MNAT1: variants seen among roughly 807,000 people sequenced by gnomAD.
The protein encoded by MNAT1 is CDK-activating kinase assembly factor MAT1.
Under a neutral mutation model 42.0 loss-of-function variants are expected in MNAT1, and 43 were observed. That is an observed-to-expected ratio of 1.02 (90% CI 0.80 to 1.32). MNAT1 has a LOEUF of 1.32. Ranked by LOEUF, MNAT1 falls within the 40% of genes most tolerant of loss-of-function variation. The pLI, the probability that MNAT1 is intolerant of heterozygous loss-of-function variation, is 0.00. For synonymous variants in MNAT1, 118 were observed against 120.0 expected (o/e 0.98, Z 0.11); for missense variants, 306 against 350.4 (o/e 0.87, Z 1.01).
chr14:60,771,809 T>C (rs577315616), intron 1 of MNAT1, among the ~76,000 whole-genome samples: 62 of 152,338 alleles, frequency 4.1e-4, no homozygotes, highest in Middle Eastern at 3.4e-3. Flanking sequence ...TATTGAAGTA[T>C]TCCTAATGCC....
chr14:60,946,458 G>A (rs982283892), intron 7 of MNAT1, among the ~76,000 whole-genome samples: 2 of 151,618 alleles, frequency 1.3e-5, no homozygotes, highest in East Asian at 1.9e-4. Flanking sequence ...CCCTTCTATC[G>A]AACCATTCTC....
At chr14:60,890,433 C>T (rs976110791) in intron 7 of MNAT1, among the ~76,000 whole-genome samples, 1 of 152,078 alleles carries the variant, frequency 6.6e-6, no homozygotes, top group African/African-American at 2.4e-5. Context: ...TCTAGAGGGA[C>T]AGAACTAATA....
intron 7 of MNAT1, among the ~76,000 whole-genome samples, chr14:60,912,245 A>T (rs1033248087): frequency 2.0e-5 from 3 of 152,132 alleles, no homozygotes; most frequent in African/African-American, 7.2e-5. Flanking sequence ...TCCTGAATAC[A>T]GCACACTGAT....
At chr14:60,955,598 T>C (rs2036474087) in intron 7 of MNAT1, among the ~76,000 whole-genome samples, 1 of 152,040 alleles carries the variant, frequency 6.6e-6, no homozygotes, top group Admixed American at 6.6e-5. Flanking sequence ...GAGGCGGAGG[T>C]TGCAGTGAGC....
chr14:60,955,596 G>A (rs2036473956), intron 7 of MNAT1, among the ~76,000 whole-genome samples: 1 of 152,210 alleles, frequency 6.6e-6, no homozygotes, highest in Admixed American at 6.5e-5. Context: ...AGGAGGCGGA[G>A]GTTGCAGTGA....
chr14:60,822,602 AT>A lies in MNAT1; in HGVS notation c.687+3772del, dbSNP rs138596729. Among the ~76,000 whole-genome samples, 556 of 135,924 alleles carry A rather than the reference AT, an allele frequency of 4.1e-3. 2 individuals are homozygous for A. Among genetic ancestry groups the A allele is most frequent in the African/African-American group, 6.7e-3 (244 of 36,542 alleles). The allele number at this position is 135,924 out of a possible 152,430, so 89.2% of individuals were successfully genotyped here. A position where few individuals can be genotyped will look rare whatever the true frequency, so the allele number is the denominator to read the frequency against. ...CACCACTCTGGGCTAGTTTTTAAGA[AT>A]TTTTTTTTTTTTTTTTGGAGAGGAG... On this transcript the variant is annotated intron_variant, in intron 6 of 7. Coordinates refer to ENST00000261245, the MANE Select transcript of MNAT1 (RefSeq NM_002431.4).
At chr14:60,951,217 T>G (rs1365080492) in intron 7 of MNAT1, among the ~76,000 whole-genome samples, 1 of 151,278 alleles carries the variant, frequency 6.6e-6, no homozygotes, top group African/African-American at 2.4e-5. Flanking sequence ...CTTTCCTCCT[T>G]CTGAACAAAA....
chr14:60,964,672 T>C (rs2139626200), intron 7 of MNAT1, among the ~76,000 whole-genome samples: 1 of 152,318 alleles, frequency 6.6e-6, no homozygotes, highest in Non-Finnish European at 1.5e-5. Context: ...AGCTTGACTT[T>C]TGGAAGTAAA....
chr14:60,771,746 A>G (rs2031066055), intron 1 of MNAT1, among the ~76,000 whole-genome samples: 1 of 152,106 alleles, frequency 6.6e-6, no homozygotes, highest in South Asian at 2.1e-4. Flanking sequence ...TACGTAATTT[A>G]TCTGTCCATG....
At chr14:60,749,964 A>G (rs932601449) in intron 1 of MNAT1, among the ~76,000 whole-genome samples, 4 of 152,214 alleles carry the variant, frequency 2.6e-5, no homozygotes, top group African/African-American at 9.6e-5. Flanking sequence ...TACATTTTCC[A>G]GGCCAGTGAT....
intron 3 of MNAT1, among the ~76,000 whole-genome samples, chr14:60,800,588 A>AT (rs1286799291): frequency 1.3e-5 from 2 of 152,166 alleles, no homozygotes; most frequent in Non-Finnish European, 2.9e-5. Context: ...GATGACAGTT[A>AT]TGGCCTATAT....
At chr14:60,890,294 A>T (rs923419335) in intron 7 of MNAT1, among the ~76,000 whole-genome samples, 1 of 152,136 alleles carries the variant, frequency 6.6e-6, no homozygotes, top group African/African-American at 2.4e-5. Flanking sequence ...CCCAGGCATA[A>T]ATTTACGTAC....
At chr14:60,787,064 C>T (rs1296238396) in intron 1 of MNAT1, among the ~76,000 whole-genome samples, 1 of 152,088 alleles carries the variant, frequency 6.6e-6, no homozygotes. Context: ...AGTGGGACAT[C>T]GTTCTTTCAA....
chr14:60,756,495 A>T (rs1012980523), intron 1 of MNAT1, among the ~76,000 whole-genome samples: 4 of 152,202 alleles, frequency 2.6e-5, no homozygotes, highest in African/African-American at 7.2e-5. Context: ...GAAGAATTTT[A>T]AAAAATAGTA....
At chr14:60,735,670 G>T (rs1896285225) in intron 1 of MNAT1, among the ~76,000 whole-genome samples, 1 of 152,214 alleles carries the variant, frequency 6.6e-6, no homozygotes, top group Non-Finnish European at 1.5e-5. Context: ...GGCCTTGAGA[G>T]AATTGGAACC....
At position 60,794,912 on chromosome 14, in the gene MNAT1, G is replaced by A. The variant is rs138596543; in HGVS notation, c.90-1305G>A. ...TCTTGTATTCATTTTTTTGTTTTGT[G>A]AAGTTTACTTAGTGAGTACTTAGCG... is the stretch of plus-strand genomic sequence containing the variant. On this transcript the variant is annotated intron_variant, in intron 1 of 7. Coordinates refer to ENST00000261245, the MANE Select transcript of MNAT1 (RefSeq NM_002431.4). 9.0e-4 allele frequency among the ~76,000 whole-genome samples: 136 copies of A among 151,350 alleles called. No individual in the cohort carries two copies. In the East Asian group the frequency reaches 0.018, roughly 20 times the overall value.
intron 7 of MNAT1, among the ~76,000 whole-genome samples, chr14:60,956,677 C>T (rs2036492844): frequency 6.6e-6 from 1 of 152,112 alleles, no homozygotes; most frequent in African/African-American, 2.4e-5. Context: ...TGTTTAGGTG[C>T]TCTGACTTCG....
In MNAT1 at chr14:60,818,993, G is replaced by A. The variant is rs4151230; in HGVS notation, c.687+146G>A. The A allele has an allele frequency of 1.3e-3, 1,098 of 823,924 alleles. 5 individuals carry two copies. In the African/African-American group the frequency reaches 0.016, roughly 12 times the overall value. 51.0% of individuals were successfully genotyped at this position (823,924 alleles called of 1,614,324 possible). On this transcript the variant is annotated intron_variant, in intron 6 of 7. Coordinates refer to ENST00000261245, the MANE Select transcript of MNAT1 (RefSeq NM_002431.4). Reference sequence around the variant, plus strand: ...GTTTTAGGTGTCTGGAAATATGGATGGGTGCAGTATGAGGAAAGTGAAACA... The same window carrying A: ...GTTTTAGGTGTCTGGAAATATGGATAGGTGCAGTATGAGGAAAGTGAAACA...
At chr14:60,791,911 A>G (rs2140322605) in intron 1 of MNAT1, among the ~76,000 whole-genome samples, 1 of 152,308 alleles carries the variant, frequency 6.6e-6, no homozygotes, top group Admixed American at 6.5e-5. Context: ...GAAAGCTGAT[A>G]TCATCAACTC....
Sources: gnomAD v4.1 joint callset for allele counts (sites outside exome capture counted in the v4.1 genomes callset) on GRCh38, gnomAD v4.1.1 for gene constraint, MANE v1.5 for transcripts, NCBI Gene and HGNC (gene_info 2026-07-23, HGNC 2026-07-21) for gene names.